The following SCAMP3 variants were observed in gnomAD, a reference collection of about 807,000 sequenced individuals.
The protein encoded by SCAMP3 is secretory carrier-associated membrane protein 3.
A neutral mutation model predicts 44.1 loss-of-function variants in SCAMP3; 30 were observed. That is an observed-to-expected ratio of 0.68 (90% confidence interval 0.51 to 0.92). SCAMP3 has a LOEUF of 0.92. Ranked by LOEUF, SCAMP3 falls within the 40% of genes least tolerant of loss-of-function variation. SCAMP3 has a pLI of 0.00. For missense variants in SCAMP3, 394 were observed against 440.0 expected, an observed-to-expected ratio of 0.90 and a Z score of 0.93; for synonymous variants, 168 against 171.1, an observed-to-expected ratio of 0.98 and a Z score of 0.14.
Position 155,258,908 on chromosome 1 carries a change from C to G in SCAMP3, c.435G>C (p.Gln145His). The G allele has an allele frequency of 6.2e-7, 1 of 1,613,240 alleles. No individual in the cohort carries two copies. Among genetic ancestry groups the G allele is most frequent in the South Asian group, 1.1e-5 (1 of 90,950 alleles). ...WPPLPSFCPV[Q>H]PCFFQDISME... is the part of the protein sequence containing the mutation. The stretch of plus-strand genomic sequence containing the variant: ...TGGAGATGTCCTGGAAAAAGCAGGG[C>G]TGAACTGGACAAAAAGAAGGTAGAG... Residue 145 changes from glutamine to histidine, a missense_variant, in exon 5 of 9, where the codon CAG (glutamine) becomes CAC (histidine). Transcript: ENST00000302631.
In SCAMP3 at chr1:155,257,037, C is replaced by T. The variant is rs568374629; in HGVS notation, c.780-246G>A. ...ATCTGGGGATTCTTCTTCCTCCTTTCAACCATGGTTCTATGCCTCCTCCAG... is the reference window on the plus strand; with the variant it reads ...ATCTGGGGATTCTTCTTCCTCCTTTTAACCATGGTTCTATGCCTCCTCCAG... On this transcript the variant is annotated intron_variant, in intron 7 of 8. Coordinates refer to ENST00000302631, the MANE Select transcript of SCAMP3 (RefSeq NM_005698.4). 7.2e-5 allele frequency among the ~76,000 whole-genome samples: 11 copies of T among 152,350 alleles called. No individual in the cohort carries two copies. In the South Asian group the frequency reaches 2.3e-3, roughly 32 times the overall value.
chr1:155,260,185 C>G, intron 4 of SCAMP3, 145 bp downstream of exon 4: 2 of 940,366 alleles, frequency 2.1e-6, no homozygotes, highest in Non-Finnish European at 3.2e-6. Flanking sequence ...GTCTCGATCT[C>G]TTGACCTCGT....
In SCAMP3 at chr1:155,256,775, G is replaced by C; in HGVS notation, c.796C>G (p.Leu266Val). The C allele has an allele frequency of 6.2e-7, 1 of 1,614,072 alleles. No homozygotes were observed. The highest frequency in any genetic ancestry group is 8.5e-7 in the Non-Finnish European group (1 of 1,179,920). ...GCTGTGTTGCCCTTCGGCACCACCA[G>C]AGCAGAGATCCAGCCACTGTAAAGG... is the stretch of plus-strand genomic sequence containing the variant. ...GWGFSGWISA[L>V]VVPKGNTAVS... The change falls in exon 8 of 9, where the codon CTG becomes GTG. Residue 266 changes from leucine (L) to valine (V), a missense_variant. Transcript: ENST00000302631.
intron 4 of SCAMP3, among the ~76,000 whole-genome samples, chr1:155,259,370 T>C (rs1421793808): frequency 6.6e-6 from 1 of 152,090 alleles, no homozygotes; most frequent in Non-Finnish European, 1.5e-5. Context: ...AGACAGGGTT[T>C]CACCATGTTG....
At chr1:155,256,504 G>C (rs1411599278) in intron 8 of SCAMP3, 85 bp from the exon 9 acceptor site, 1 of 1,490,714 alleles carries the variant, frequency 6.7e-7, no homozygotes, top group East Asian at 2.3e-5. Context: ...CCACTCAGCA[G>C]CCTGCTGCCC....
intron 5 of SCAMP3, 25 bp from the exon 6 acceptor site, chr1:155,257,682 G>A: frequency 6.5e-7 from 1 of 1,550,326 alleles, no homozygotes; most frequent in Non-Finnish European, 8.7e-7. Context: ...GACAGGATGA[G>A]GAGCCCTTCT....
Position 155,260,517 on chromosome 1 carries a change from C to T in SCAMP3, c.267+20G>A, listed in dbSNP as rs148827222. ...AGGACTGGCCCTTCTCCCCAGCCCT[C>T]ACCTGCACACCTCCTGTACCTGAGT... On this transcript the variant is annotated intron_variant, in intron 3 of 8. Coordinates refer to ENST00000302631, the MANE Select transcript of SCAMP3 (RefSeq NM_005698.4). 5,349 of 1,614,178 alleles carry T rather than the reference C, an allele frequency of 3.3e-3. 36 individuals carry two copies. The highest frequency in any genetic ancestry group is 2.7e-3 in the Non-Finnish European group (3,216 of 1,180,028).
In SCAMP3 at chr1:155,256,144, T is replaced by C. The variant is rs571893005; in HGVS notation, c.*129A>G. 2 of 946,634 alleles carry C rather than the reference T, an allele frequency of 2.1e-6. No homozygotes were observed. The highest frequency in any genetic ancestry group is 3.1e-6 in the Non-Finnish European group (2 of 642,202). 58.6% of individuals were successfully genotyped at this position (946,634 alleles called of 1,614,324 possible). A position where few individuals can be genotyped will look rare whatever the true frequency, so the allele number is the denominator to read the frequency against. ...ACACGCCTGTCAGGTTCAGCAGTCA[T>C]GGCCATAGGATTGGGAGCACTACGG... On this transcript the variant is annotated 3_prime_UTR_variant, in exon 9 of 9. Coordinates refer to ENST00000302631, the MANE Select transcript of SCAMP3 (RefSeq NM_005698.4).
chr1:155,262,108 C>T lies in SCAMP3; in HGVS notation c.44G>A (p.Ser15Asn), dbSNP rs1672983491. ...CACCTGAAAGGGGTTGTCAAGCTCG[C>T]TGGGCTCGGCGAACGGGTTTCCGCC... ...RDGGNPFAEP[S>N]ELDNPFQDPA... is the part of the protein sequence containing the mutation. Residue 15 changes from serine to asparagine, a missense_variant, in exon 1 of 9, where the codon AGC (serine) becomes AAC (asparagine). Transcript: ENST00000302631. The T allele has an allele frequency of 6.2e-7, 1 of 1,614,172 alleles. No individual in the cohort carries two copies. Among genetic ancestry groups the T allele is most frequent in the South Asian group, 1.1e-5 (1 of 91,086 alleles).
chr1:155,256,487 A>G (rs1672800217), intron 8 of SCAMP3, 68 bp from the exon 9 acceptor site: 2 of 1,529,790 alleles, frequency 1.3e-6, no homozygotes, highest in Non-Finnish European at 1.8e-6. Flanking sequence ...GCCTAACAGC[A>G]TCACTACCAC....
Position 155,261,720 on chromosome 1 carries a change from G to C in SCAMP3, c.81C>G (p.Ile27Met), listed in dbSNP as rs1672970282. 6.2e-7 allele frequency: 1 copy of C among 1,614,028 alleles called. No individual in the cohort carries two copies. Among genetic ancestry groups the C allele is most frequent in the Non-Finnish European group, 8.5e-7 (1 of 1,180,018 alleles). ...CATACTGCCGGCTGGGTCGGTGCTG[G>C]ATCACAGCTGGGTCCTGAGGGCAGA... is the stretch of plus-strand genomic sequence containing the variant. ...LDNPFQDPAV[I>M]QHRPSRQYAT... The change falls in exon 2 of 9, where the codon ATC becomes ATG. Residue 27 changes from isoleucine to methionine, a missense_variant. Ile to Met is a conservative substitution (Grantham distance 10, BLOSUM62 1). Transcript: ENST00000302631.
chr1:155,256,423 C>T lies in SCAMP3; in HGVS notation c.898-4G>A, dbSNP rs767022885. ...TGCGGCGGTATAAGGAGTGGATCTG[C>T]AAGTAGAGGACAAAGACATTACCGC... On this transcript the variant is annotated splice_region_variant and splice_polypyrimidine_tract_variant and intron_variant, in intron 8 of 8. Transcript: ENST00000302631. 3.8e-6 allele frequency: 6 copies of T among 1,574,020 alleles called. No homozygotes were observed. Among genetic ancestry groups the T allele is most frequent in the Non-Finnish European group, 4.3e-6 (5 of 1,156,756 alleles).
At chr1:155,260,771 C>A (rs1672938246) in intron 2 of SCAMP3, 112 bp from the exon 3 acceptor site, 2 of 966,298 alleles carry the variant, frequency 2.1e-6, no homozygotes, top group Non-Finnish European at 1.5e-6. Context: ...CAGCCTTTCC[C>A]CCATTTGTTA....
intron 1 of SCAMP3, 80 bp downstream of exon 1, chr1:155,262,006 G>C: frequency 7.3e-7 from 1 of 1,376,378 alleles, no homozygotes; most frequent in Non-Finnish European, 1.0e-6. Context: ...GTCACAAATG[G>C]GGATACAAGT....
Position 155,262,255 on chromosome 1 carries a change from C to G in SCAMP3, c.-104G>C. The G allele has an allele frequency of 9.5e-7, 1 of 1,052,928 alleles. No individual in the cohort carries two copies. Among genetic ancestry groups the G allele is most frequent in the East Asian group, 2.5e-5 (1 of 39,682 alleles). 65.2% of individuals were successfully genotyped at this position (1,052,928 alleles called of 1,614,324 possible). A position where few individuals can be genotyped will look rare whatever the true frequency, so the allele number is the denominator to read the frequency against. Reference sequence around the variant, plus strand: ...TCCACTTCACTCGCCTCAGTTCGCCCCGCTTCTCTGTGCACGGATTGGTTC... The same window carrying G: ...TCCACTTCACTCGCCTCAGTTCGCCGCGCTTCTCTGTGCACGGATTGGTTC... On this transcript the variant is annotated 5_prime_UTR_variant, in exon 1 of 9. Transcript: ENST00000302631.
At chr1:155,256,483 C>G in intron 8 of SCAMP3, 64 bp from the exon 9 acceptor site, 2 of 1,535,600 alleles carry the variant, frequency 1.3e-6, no homozygotes, top group Non-Finnish European at 1.8e-6. Context: ...CCCAGCCTAA[C>G]AGCATCACTA....
At chr1:155,259,081 CTG>C in intron 4 of SCAMP3, 127 bp from the exon 5 acceptor site, 2 of 802,312 alleles carry the variant, frequency 2.5e-6, no homozygotes, top group Non-Finnish European at 1.8e-6. Flanking sequence ...GATAGGGTCT[CTG>C]TTGTTCAGGC....
chr1:155,258,760 G>T, intron 5 of SCAMP3, 66 bp downstream of exon 5: 2 of 1,468,098 alleles, frequency 1.4e-6, no homozygotes, highest in South Asian at 2.7e-5. Context: ...GGTTCTTGGT[G>T]AGCGGACCCC....
In SCAMP3 at chr1:155,256,712, T is replaced by G. The variant is rs146449692; in HGVS notation, c.859A>C (p.Thr287Pro). ...VLMLLVALLF[T>P]GIAVLGIVML... Reference sequence around the variant, plus strand: ...ACAATTCCTAGCACAGCAATGCCAGTGAAGAGCAGGGCGACCAGCAGCATG... The same window carrying G: ...ACAATTCCTAGCACAGCAATGCCAGGGAAGAGCAGGGCGACCAGCAGCATG... The change falls in exon 8 of 9, where the codon ACT becomes CCT. Residue 287 changes from threonine to proline, a missense_variant. Coordinates refer to ENST00000302631, the MANE Select transcript of SCAMP3 (RefSeq NM_005698.4). The G allele has an allele frequency of 6.2e-7, 1 of 1,614,118 alleles. No homozygotes were observed. Among genetic ancestry groups the G allele is most frequent in the Non-Finnish European group, 8.5e-7 (1 of 1,180,000 alleles).
Sources: allele counts gnomAD v4.1 joint callset (sites outside exome capture counted in the v4.1 genomes callset), GRCh38; gene constraint gnomAD v4.1.1; transcripts MANE v1.5; gene names NCBI Gene and HGNC (gene_info 2026-07-23, HGNC 2026-07-21).